The following UBAC2 variants were observed in gnomAD, a reference collection of about 807,000 sequenced individuals.
UBAC2 encodes ubiquitin-associated domain-containing protein 2.
A neutral mutation model predicts 44.0 loss-of-function variants in UBAC2; 26 were observed. The observed-to-expected ratio is 0.59, with a 90% CI of 0.43 to 0.82. The LOEUF is 0.82. UBAC2 is among the 40% of genes least tolerant of loss of function. The pLI, the probability that UBAC2 is intolerant of heterozygous loss-of-function variation, is 0.00. For synonymous variants in UBAC2, 155 were observed against 154.3 expected (o/e 1.00, Z -0.04); for missense variants, 329 against 419.4 (o/e 0.78, Z 1.88).
chr13:99,373,733 G>A (rs897937453), intron 8 of UBAC2, among the ~76,000 whole-genome samples: 2 of 152,142 alleles, frequency 1.3e-5, no homozygotes, highest in South Asian at 2.1e-4. Flanking sequence ...CTGGAGGGCC[G>A]GGGCACTTCT....
At chr13:99,247,586 TGG>T (rs777402873) in intron 4 of UBAC2, among the ~76,000 whole-genome samples, 1 of 151,908 alleles carries the variant, frequency 6.6e-6, no homozygotes, top group Non-Finnish European at 1.5e-5. Flanking sequence ...GGGCTGTCTA[TGG>T]GTAAGGGGCA....
In UBAC2 at chr13:99,333,342, G is replaced by C. The variant is rs151151390; in HGVS notation, c.562-6978G>C. On this transcript the variant is annotated intron_variant, in intron 6 of 8. Coordinates refer to ENST00000403766, the MANE Select transcript of UBAC2 (RefSeq NM_001144072.2). ...TTTGACAACTTGAGGTCATGCTGGC[G>C]TGCCAGTGACATGGACAAGTGAACT... Among the ~76,000 whole-genome samples the C allele has an allele frequency of 6.8e-4, 103 of 152,294 alleles. No individual in the cohort carries two copies. The Middle Eastern group carries it at 0.01, about 15-fold the overall frequency.
At chr13:99,292,078 G>C (rs1008504350) in intron 4 of UBAC2, among the ~76,000 whole-genome samples, 3 of 151,912 alleles carry the variant, frequency 2.0e-5, no homozygotes, top group African/African-American at 7.3e-5. Context: ...GGGGCCACAT[G>C]ATTGAGTTGT....
chr13:99,208,098 A>C lies in UBAC2; in HGVS notation c.31+7159A>C, dbSNP rs2042895246. Among the ~76,000 whole-genome samples, 6 of 142,326 alleles carry C rather than the reference A, an allele frequency of 4.2e-5. No homozygotes were observed. The South Asian group carries it at 1.3e-3, about 31-fold the overall frequency. The allele number at this position is 142,326 out of a possible 152,430, so 93.4% of individuals were successfully genotyped here. Reference sequence around the variant, plus strand: ...CTGCAGCCTCTGCCTCCTGGGTTTGAGCAATTCTCCTGCCTCAGCCCCCCA... The same window carrying C: ...CTGCAGCCTCTGCCTCCTGGGTTTGCGCAATTCTCCTGCCTCAGCCCCCCA... On this transcript the variant is annotated intron_variant, in intron 1 of 8. Coordinates refer to ENST00000403766, the MANE Select transcript of UBAC2 (RefSeq NM_001144072.2).
chr13:99,341,615 T>C (rs1236893739), intron 7 of UBAC2, among the ~76,000 whole-genome samples: 1 of 152,180 alleles, frequency 6.6e-6, no homozygotes, highest in Non-Finnish European at 1.5e-5. Context: ...ATATAGGTGA[T>C]GGAGTCACCT....
chr13:99,238,776 T>A (rs990653989), intron 2 of UBAC2, among the ~76,000 whole-genome samples: 6 of 152,220 alleles, frequency 3.9e-5, no homozygotes, highest in African/African-American at 7.2e-5. Flanking sequence ...GCACATTTGT[T>A]TTCAGTTTCA....
intron 4 of UBAC2, among the ~76,000 whole-genome samples, chr13:99,250,460 TAG>T (rs2043444326): frequency 6.6e-6 from 1 of 152,228 alleles, no homozygotes; most frequent in East Asian, 1.9e-4. Flanking sequence ...TTGCTTACTG[TAG>T]CCTTATAATC....
intron 1 of UBAC2, among the ~76,000 whole-genome samples, chr13:99,222,617 G>A (rs935194970): frequency 6.6e-6 from 1 of 152,228 alleles, no homozygotes; most frequent in South Asian, 2.1e-4. Context: ...CAGTAATTGG[G>A]CAGGATGAGA....
At chr13:99,287,643 C>CTTTTTTTTTTTTTTTTTTTTTTTTT (rs11304203) in intron 4 of UBAC2, among the ~76,000 whole-genome samples, 4 of 95,150 alleles carry the variant, frequency 4.2e-5, no homozygotes, top group Admixed American at 1.2e-4. Flanking sequence ...TTTTTTCTTT[C>CTTTTTTTTTTTTTTTTTTTTTTTTT]TTTTTTTTTT....
intron 7 of UBAC2, among the ~76,000 whole-genome samples, chr13:99,341,260 TA>T (rs1227333209): frequency 6.6e-6 from 1 of 152,088 alleles, no homozygotes; most frequent in African/African-American, 2.4e-5. Flanking sequence ...ACCCCTGGGG[TA>T]GTTGTAAACC....
At chr13:99,216,144 T>C (rs910071172) in intron 1 of UBAC2, among the ~76,000 whole-genome samples, 2 of 151,834 alleles carry the variant, frequency 1.3e-5, no homozygotes, top group Non-Finnish European at 2.9e-5. Context: ...CTCTGACGCC[T>C]CAGCTGGAGT....
At chr13:99,356,760 T>C (rs2045190770) in intron 7 of UBAC2, among the ~76,000 whole-genome samples, 1 of 152,084 alleles carries the variant, frequency 6.6e-6, no homozygotes, top group East Asian at 1.9e-4. Flanking sequence ...GTCTTCTGAG[T>C]TTTCTAAGGT....
At chr13:99,271,940 G>T (rs1212872108) in intron 4 of UBAC2, among the ~76,000 whole-genome samples, 33 of 152,266 alleles carry the variant, frequency 2.2e-4, no homozygotes, top group Non-Finnish European at 4.4e-5. Context: ...ACAAATTCAG[G>T]TATGATGTTG....
intron 7 of UBAC2, chr13:99,351,517 A>G (rs2045088580): frequency 6.6e-6 from 3 of 456,632 alleles, no homozygotes; most frequent in Admixed American, 2.3e-5. Context: ...GTAGAAGGTT[A>G]TATAGCCAGC....
intron 6 of UBAC2, among the ~76,000 whole-genome samples, chr13:99,338,378 T>A (rs2044833343): frequency 6.6e-6 from 1 of 152,104 alleles, no homozygotes; most frequent in Admixed American, 6.5e-5. Flanking sequence ...TTAAGAAAGT[T>A]TATGAATTTG....
At chr13:99,282,987 G>A (rs1174035149) in intron 4 of UBAC2, among the ~76,000 whole-genome samples, 1 of 152,168 alleles carries the variant, frequency 6.6e-6, no homozygotes, top group Non-Finnish European at 1.5e-5. Context: ...AAGAGAATAG[G>A]CATCCCTGTT....
intron 4 of UBAC2, chr13:99,307,416 A>G (rs2044351886): frequency 1.3e-5 from 2 of 152,040 alleles, no homozygotes; most frequent in Non-Finnish European, 2.9e-5. Context: ...TAACTGTGGC[A>G]TGTTGTTTTA....
intron 4 of UBAC2, among the ~76,000 whole-genome samples, chr13:99,263,193 T>C (rs941999895): frequency 2.0e-5 from 3 of 152,222 alleles, no homozygotes; most frequent in African/African-American, 4.8e-5. Flanking sequence ...ATTTGACTTA[T>C]AGCAAACAAT....
chr13:99,320,828 G>A (rs2044558274), intron 6 of UBAC2, among the ~76,000 whole-genome samples: 1 of 152,174 alleles, frequency 6.6e-6, no homozygotes, highest in African/African-American at 2.4e-5. Context: ...TAGGATCCAA[G>A]CCTGAGATTC....
Sources: allele counts gnomAD v4.1 joint callset (sites outside exome capture counted in the v4.1 genomes callset), GRCh38; gene constraint gnomAD v4.1.1; transcripts MANE v1.5; gene names NCBI Gene and HGNC (gene_info 2026-07-23, HGNC 2026-07-21).